DST: variants seen among roughly 807,000 people sequenced by gnomAD.
DST encodes bullous pemphigoid antigen.
DST carries 253 observed loss-of-function variants against 875.2 expected under a neutral mutation model. That is an observed-to-expected ratio of 0.29 (90% CI 0.26 to 0.32). The LOEUF (loss-of-function observed/expected upper bound fraction) is 0.32. Ranked by LOEUF, DST falls within the 10% of genes least tolerant of loss-of-function variation. DST has a pLI of 1.00. For synonymous variants in DST, 3,124 were observed against 3,197.1 expected (o/e 0.98, Z 0.77); for missense variants, 8,287 against 9,111.6 (o/e 0.91, Z 3.68).
chr6:56,947,003 C>T lies in DST; in HGVS notation c.216+6782G>A, dbSNP rs367571082. On this transcript the variant is annotated intron_variant, in intron 2 of 103. Transcript: ENST00000680361. The stretch of plus-strand genomic sequence containing the variant: ...AACACATGAGCAAGTTCCCATAAAT[C>T]CCTGGAGAGATGGTGTCTGCAGTCA... Among the ~76,000 whole-genome samples the T allele has an allele frequency of 3.7e-4, 57 of 152,170 alleles. No homozygotes were observed. In the East Asian group the frequency reaches 5.8e-3, roughly 15 times the overall value.
At chr6:56,835,220 G>A (rs150674127) in intron 4 of DST, among the ~76,000 whole-genome samples, 27 of 152,314 alleles carry the variant, frequency 1.8e-4, no homozygotes, top group African/African-American at 6.5e-4. Context: ...AAACACAGAG[G>A]ATTTGGGAGC....
rs1288369513 is a variant in DST, at chr6:56,578,907, C to T, written c.12934G>A (p.Val4312Ile). 1.2e-6 allele frequency: 2 copies of T among 1,602,678 alleles called. No individual in the cohort carries two copies. Among genetic ancestry groups the T allele is most frequent in the African/African-American group, 1.3e-5 (1 of 74,818 alleles). Residue 4312 changes from valine to isoleucine, a missense_variant, in exon 50 of 104, where the codon GTT becomes ATT. By Grantham distance (29) the Val-to-Ile change is conservative. Transcript: ENST00000680361. The part of the protein sequence containing the change: ...ALQGQISSQQ[V>I]AVEKLKKTAE... ...GTTTTCTTCAGTTTCTCTACAGCAA[C>T]CTGCTGACTTGATATCTGTCCTTGC...
At chr6:56,490,267 A>G (rs1475073128) in intron 85 of DST, among the ~76,000 whole-genome samples, 1 of 152,170 alleles carries the variant, frequency 6.6e-6, no homozygotes, top group Admixed American at 6.5e-5. Flanking sequence ...TTTGGCATCT[A>G]TAACCTTGCA....
chr6:56,678,821 A>T (rs1347685243), intron 9 of DST, among the ~76,000 whole-genome samples: 2 of 152,182 alleles, frequency 1.3e-5, no homozygotes, highest in Non-Finnish European at 2.9e-5. Flanking sequence ...CTACATGAAC[A>T]AGCTTTACTA....
At chr6:56,702,047 T>C in intron 7 of DST, 82 bp from the exon 8 acceptor site, 2 of 831,954 alleles carry the variant, frequency 2.4e-6, no homozygotes, top group Admixed American at 4.7e-5. Context: ...TCTGTTCATC[T>C]TAATATATCA....
chr6:56,807,264 G>A (rs2099754171), intron 4 of DST, among the ~76,000 whole-genome samples: 1 of 152,140 alleles, frequency 6.6e-6, no homozygotes, highest in Non-Finnish European at 1.5e-5. Context: ...GGGCTCAAGC[G>A]ATCCACCCAC....
At chr6:56,569,040 C>T (rs923890120) in intron 54 of DST, among the ~76,000 whole-genome samples, 31 of 151,974 alleles carry the variant, frequency 2.0e-4, no homozygotes, top group African/African-American at 6.8e-4. Context: ...AACACACACA[C>T]GGTCGGGCGA....
intron 4 of DST, among the ~76,000 whole-genome samples, chr6:56,781,169 G>C (rs2099692915): frequency 6.6e-6 from 1 of 152,186 alleles, no homozygotes; most frequent in African/African-American, 2.4e-5. Flanking sequence ...GATGCCTCCA[G>C]CTTTGTTCTT....
chr6:56,680,315 A>C (rs559449706), intron 9 of DST, among the ~76,000 whole-genome samples: 2 of 152,344 alleles, frequency 1.3e-5, no homozygotes, highest in Admixed American at 1.3e-4. Context: ...TAGATTGTTA[A>C]CATAATAGAA....
At chr6:56,932,255 T>C (rs1353860089) in intron 2 of DST, among the ~76,000 whole-genome samples, 1 of 152,214 alleles carries the variant, frequency 6.6e-6, no homozygotes, top group Admixed American at 6.5e-5. Context: ...TCTCATTTTC[T>C]CTTGCCACCA....
At chr6:56,486,975 T>A in intron 87 of DST, 129 bp downstream of exon 87, 1 of 806,046 alleles carries the variant, frequency 1.2e-6, no homozygotes, top group Non-Finnish European at 1.9e-6. Context: ...TGTGGGATAC[T>A]TAGGACAAGC....
chr6:56,929,252 T>C (rs1474873615), intron 2 of DST, among the ~76,000 whole-genome samples: 1 of 152,158 alleles, frequency 6.6e-6, no homozygotes, highest in African/African-American at 2.4e-5. Context: ...TGCACACATG[T>C]AAAAGGCTAA....
At chr6:56,938,108 C>CTCTCTCTA (rs1383243392) in intron 2 of DST, among the ~76,000 whole-genome samples, 151 of 120,742 alleles carry the variant, frequency 1.3e-3, no homozygotes, top group African/African-American at 5.2e-3. Context: ...CTCTCTCTCT[C>CTCTCTCTA]TATATATATA....
At chr6:56,492,518 T>C (rs1293504800) in intron 84 of DST, 85 bp from the exon 85 acceptor site, 1 of 1,355,450 alleles carries the variant, frequency 7.4e-7, no homozygotes, top group Non-Finnish European at 1.0e-6. Context: ...AAACCTGAAA[T>C]TATTTTAAAG....
chr6:56,756,040 G>A (rs2099601980), intron 4 of DST, among the ~76,000 whole-genome samples: 1 of 152,210 alleles, frequency 6.6e-6, no homozygotes, highest in Non-Finnish European at 1.5e-5. Flanking sequence ...GTATATGTAG[G>A]AGAAAGACGA....
At chr6:56,920,817 C>T (rs574649372) in intron 2 of DST, among the ~76,000 whole-genome samples, 6 of 149,456 alleles carry the variant, frequency 4.0e-5, no homozygotes, top group South Asian at 2.1e-4. Flanking sequence ...CAGCCTCGAC[C>T]TCCTGGGATC....
chr6:56,812,154 A>AAAAGAAAAGAAAAG (rs1561961953), intron 4 of DST, among the ~76,000 whole-genome samples: 1 of 71,230 alleles, frequency 1.4e-5, no homozygotes, highest in South Asian at 6.6e-4. Context: ...GAAAAGAAAA[A>AAAAGAAAAGAAAAG]AGAAAATATT....
chr6:56,766,525 CT>C (rs373724419), intron 4 of DST, among the ~76,000 whole-genome samples: 2,886 of 140,056 alleles, frequency 0.021, 68 homozygotes, highest in African/African-American at 0.059. Context: ...GCTGCGGTAT[CT>C]TTTTTTTTTT....
intron 4 of DST, among the ~76,000 whole-genome samples, chr6:56,810,855 G>C (rs2099759061): frequency 6.6e-6 from 1 of 152,088 alleles, no homozygotes; most frequent in Non-Finnish European, 1.5e-5. Context: ...GGTTTTCAAG[G>C]AGTTCTGACC....
Sources: allele counts gnomAD v4.1 joint callset (sites outside exome capture counted in the v4.1 genomes callset), GRCh38; gene constraint gnomAD v4.1.1; transcripts MANE v1.5; gene names NCBI Gene and HGNC (gene_info 2026-07-23, HGNC 2026-07-21).